Variants in MDGA2 observed in about 807,000 individuals in gnomAD.
MDGA2 encodes the protein MAM domain-containing glycosylphosphatidylinositol anchor protein 2.
In MDGA2, 40 loss-of-function variants were observed where a neutral mutation model predicts 117.8. That is an observed-to-expected ratio of 0.34 (90% CI 0.26 to 0.44). MDGA2 has a LOEUF of 0.44. MDGA2 is among the 20% of genes least tolerant of loss of function. The probability of loss-of-function intolerance (pLI) is 1.00; values close to 1 mark genes in which losing one functional copy is unlikely to be tolerated. For synonymous variants in MDGA2, 452 were observed against 439.0 expected, an observed-to-expected ratio of 1.03 and a Z score of -0.37; for missense variants, 1,123 against 1,250.6, an observed-to-expected ratio of 0.90 and a Z score of 1.54.
At chr14:46,914,463 A>C (rs1308124913) in intron 10 of MDGA2, among the ~76,000 whole-genome samples, 1 of 152,186 alleles carries the variant, frequency 6.6e-6, no homozygotes, top group Non-Finnish European at 1.5e-5. Context: ...TTCTAGATAT[A>C]ATGCATTATT....
intron 8 of MDGA2, among the ~76,000 whole-genome samples, chr14:46,974,441 A>G (rs954487549): frequency 1.3e-5 from 2 of 152,138 alleles, no homozygotes. Flanking sequence ...AAAACAAAAC[A>G]AAGCTGGAAG....
At chr14:47,635,717 G>T (rs1897310397) in intron 1 of MDGA2, among the ~76,000 whole-genome samples, 1 of 152,078 alleles carries the variant, frequency 6.6e-6, no homozygotes, top group African/African-American at 2.4e-5. Context: ...AAATTCAATG[G>T]TCCTTAAAAT....
At chr14:47,219,624 T>C (rs1253248572) in intron 2 of MDGA2, among the ~76,000 whole-genome samples, 1 of 151,988 alleles carries the variant, frequency 6.6e-6, no homozygotes, top group Non-Finnish European at 1.5e-5. Context: ...AAATAATGCA[T>C]AGAAATTAGC....
chr14:47,482,044 G>A (rs753803142), intron 1 of MDGA2, among the ~76,000 whole-genome samples: 5 of 151,994 alleles, frequency 3.3e-5, no homozygotes, highest in Non-Finnish European at 7.4e-5. Flanking sequence ...TAAATAATCA[G>A]CAGTCTGAAG....
chr14:47,253,119 T>G (rs546717695), intron 2 of MDGA2, among the ~76,000 whole-genome samples: 3 of 152,278 alleles, frequency 2.0e-5, no homozygotes, highest in Admixed American at 2.0e-4. Context: ...GTGAGGATTA[T>G]GGAAACTACA....
intron 1 of MDGA2, among the ~76,000 whole-genome samples, chr14:47,622,491 G>A (rs146206898): frequency 1.2e-4 from 18 of 152,312 alleles, no homozygotes; most frequent in African/African-American, 3.6e-4. Context: ...AGAATAAATG[G>A]GAGGTGTGTA....
chr14:47,088,651 T>C (rs1175895546), intron 6 of MDGA2, among the ~76,000 whole-genome samples: 1 of 152,194 alleles, frequency 6.6e-6, no homozygotes, highest in African/African-American at 2.4e-5. Flanking sequence ...TTAATTCTGA[T>C]TGGCATTCTG....
At chr14:47,446,635 GA>G in intron 1 of MDGA2, among the ~76,000 whole-genome samples, 1 of 152,016 alleles carries the variant, frequency 6.6e-6, no homozygotes, top group South Asian at 2.1e-4. Context: ...TTGCAAGACT[GA>G]AGTTTACATA....
chr14:47,173,557 T>C (rs920693426), intron 3 of MDGA2, among the ~76,000 whole-genome samples: 4 of 152,098 alleles, frequency 2.6e-5, no homozygotes, highest in African/African-American at 4.8e-5. Flanking sequence ...CTAAGCTTCA[T>C]AAGTGAAGGA....
chr14:46,857,711 G>A (rs1364847448), intron 14 of MDGA2, among the ~76,000 whole-genome samples: 2 of 152,044 alleles, frequency 1.3e-5, no homozygotes, highest in Non-Finnish European at 2.9e-5. Context: ...CTGGTGTGCA[G>A]TGGTGCCATG....
intron 1 of MDGA2, among the ~76,000 whole-genome samples, chr14:47,405,102 T>C (rs1453348242): frequency 2.6e-5 from 4 of 152,182 alleles, no homozygotes; most frequent in South Asian, 2.1e-4. Context: ...TATGTATTTC[T>C]TGTCTAATAA....
In MDGA2 at chr14:47,275,660, A is replaced by T. The variant is rs796844791; in HGVS notation, c.420+25751T>A. Among the ~76,000 whole-genome samples, 4 of 152,278 alleles carry T rather than the reference A, an allele frequency of 2.6e-5. No individual in the cohort carries two copies. The South Asian group carries it at 8.3e-4, about 32-fold the overall frequency. On this transcript the variant is annotated intron_variant, in intron 2 of 16. Coordinates refer to ENST00000399232, the MANE Select transcript of MDGA2 (RefSeq NM_001113498.3). ...AAAAAAGGGGGAAACATTTAATAAT[A>T]TTGCTAACTATAGCACTCATGTTAA...
chr14:46,858,433 T>C (rs1389385525), intron 14 of MDGA2, among the ~76,000 whole-genome samples: 4 of 145,120 alleles, frequency 2.8e-5, no homozygotes, highest in Admixed American at 6.8e-5. Flanking sequence ...TTTTTCTTTT[T>C]TTTTTTTTTT....
chr14:47,597,439 A>G (rs1393499005), intron 1 of MDGA2, among the ~76,000 whole-genome samples: 1 of 152,112 alleles, frequency 6.6e-6, no homozygotes, highest in Non-Finnish European at 1.5e-5. Flanking sequence ...TTCTTTTTCA[A>G]TAATGAACGT....
Position 47,673,632 on chromosome 14 carries a change from A to ATGATGTGTG in MDGA2, c.280+884_280+885insCACACATCA, listed in dbSNP as rs1555340909. Among the ~76,000 whole-genome samples the ATGATGTGTG allele has an allele frequency of 2.1e-5, 3 of 143,980 alleles. No homozygotes were observed. In the East Asian group the frequency reaches 6.4e-4, roughly 31 times the overall value. 94.5% of individuals were successfully genotyped at this position (143,980 alleles called of 152,430 possible). On this transcript the variant is annotated intron_variant, in intron 1 of 16. Coordinates refer to ENST00000399232, the MANE Select transcript of MDGA2 (RefSeq NM_001113498.3). ...TAGTCCACTATTAACTATGACCTGG[A>ATGATGTGTG]TGTGTGTGTGTGTGTGTGTGTGTGT...
At chr14:47,533,048 A>G (rs1895132503) in intron 1 of MDGA2, among the ~76,000 whole-genome samples, 1 of 152,192 alleles carries the variant, frequency 6.6e-6, no homozygotes, top group Middle Eastern at 3.2e-3. Flanking sequence ...GACAGCATCC[A>G]CTTAATCCTG....
intron 1 of MDGA2, among the ~76,000 whole-genome samples, chr14:47,578,012 C>T (rs1896147783): frequency 6.6e-6 from 1 of 152,244 alleles, no homozygotes; most frequent in African/African-American, 2.4e-5. Context: ...AGACATAGAA[C>T]CCACCCAAAT....
At chr14:47,304,167 T>C (rs1267842266) in intron 1 of MDGA2, among the ~76,000 whole-genome samples, 1 of 152,170 alleles carries the variant, frequency 6.6e-6, no homozygotes, top group African/African-American at 2.4e-5. Flanking sequence ...AATGAGAGTA[T>C]TTTGGAAGCT....
chr14:47,567,454 C>T (rs1895940581), intron 1 of MDGA2, among the ~76,000 whole-genome samples: 1 of 152,166 alleles, frequency 6.6e-6, no homozygotes, highest in Admixed American at 6.5e-5. Flanking sequence ...TTTGCTTGCC[C>T]AAACAAGCAG....
Sources: allele counts gnomAD v4.1 joint callset (sites outside exome capture counted in the v4.1 genomes callset), GRCh38; gene constraint gnomAD v4.1.1; transcripts MANE v1.5; gene names NCBI Gene and HGNC (gene_info 2026-07-23, HGNC 2026-07-21).